The following MGAT4C variants were observed in gnomAD, a reference collection of about 807,000 sequenced individuals.
The protein encoded by MGAT4C is alpha-1,3-mannosyl-glycoprotein 4-beta-N-acetylglucosaminyltransferase C.
Under a neutral mutation model 40.1 loss-of-function variants are expected in MGAT4C, and 19 were observed. That is an observed-to-expected ratio of 0.47 (90% CI 0.33 to 0.70). MGAT4C has a LOEUF of 0.70. Among genes scored for constraint, MGAT4C ranks in the 30% least tolerant of loss-of-function variants. The pLI is 0.02. For missense variants in MGAT4C, 491 were observed against 563.2 expected, an observed-to-expected ratio of 0.87 and a Z score of 1.30; for synonymous variants, 181 against 187.1, an observed-to-expected ratio of 0.97 and a Z score of 0.27.
intron 4 of MGAT4C, among the ~76,000 whole-genome samples, chr12:86,276,874 T>A (rs535635636): frequency 6.6e-6 from 1 of 152,376 alleles, no homozygotes; most frequent in South Asian, 2.1e-4. Context: ...TTGGCTATTA[T>A]AAATAGTGCT....
intron 3 of MGAT4C, among the ~76,000 whole-genome samples, chr12:86,416,376 A>C (rs540768014): frequency 3.3e-5 from 5 of 152,174 alleles, no homozygotes; most frequent in Admixed American, 2.0e-4. Context: ...AAATTGGTAA[A>C]GGACTTTTAG....
At chr12:86,283,193 A>T (rs991061680) in intron 4 of MGAT4C, among the ~76,000 whole-genome samples, 1 of 117,618 alleles carries the variant, frequency 8.5e-6, no homozygotes, top group Non-Finnish European at 2.0e-5. Flanking sequence ...CCACCACAAT[A>T]AAAAAAAAAA....
At chr12:86,369,118 C>A (rs904144834) in intron 3 of MGAT4C, among the ~76,000 whole-genome samples, 3 of 151,840 alleles carry the variant, frequency 2.0e-5, no homozygotes, top group Non-Finnish European at 4.4e-5. Flanking sequence ...TATGTAATAT[C>A]TTTCACCAAC....
chr12:86,097,889 T>A (rs1874237701), intron 1 of MGAT4C, among the ~76,000 whole-genome samples: 1 of 151,654 alleles, frequency 6.6e-6, no homozygotes, highest in Admixed American at 6.6e-5. Context: ...TGAAAAAACC[T>A]TTTAGCTTTT....
intron 4 of MGAT4C, among the ~76,000 whole-genome samples, chr12:86,276,190 T>A (rs1394964817): frequency 2.0e-5 from 3 of 151,962 alleles, no homozygotes; most frequent in Non-Finnish European, 4.4e-5. Context: ...TTTACAAGTA[T>A]AGGAAATTAA....
At chr12:86,278,835 T>C (rs1365402682) in intron 4 of MGAT4C, among the ~76,000 whole-genome samples, 1 of 152,204 alleles carries the variant, frequency 6.6e-6, no homozygotes, top group Admixed American at 6.5e-5. Flanking sequence ...TTTTGTTGTG[T>C]TAAGCTATAT....
At chr12:86,811,521 T>C (rs891237748) in intron 1 of MGAT4C, among the ~76,000 whole-genome samples, 8 of 150,898 alleles carry the variant, frequency 5.3e-5, no homozygotes, top group Admixed American at 1.3e-4. Context: ...TTTGTATTTT[T>C]AGTGGAGACT....
intron 1 of MGAT4C, among the ~76,000 whole-genome samples, chr12:86,753,684 A>C (rs886262722): frequency 2.0e-5 from 3 of 152,138 alleles, no homozygotes; most frequent in African/African-American, 4.8e-5. Flanking sequence ...ATTAAAAAAA[A>C]CCTCAATTTA....
intron 1 of MGAT4C, among the ~76,000 whole-genome samples, chr12:86,747,093 T>C (rs574910952): frequency 6.6e-6 from 1 of 151,728 alleles, no homozygotes; most frequent in East Asian, 1.9e-4. Context: ...TTCAATACTA[T>C]TTGTGTAATC....
intron 2 of MGAT4C, among the ~76,000 whole-genome samples, chr12:86,667,133 T>A (rs1048211310): frequency 6.6e-6 from 1 of 152,128 alleles, no homozygotes. Context: ...AAAATATTCA[T>A]GGAAGAAATT....
At chr12:86,053,311 T>C (rs1489215899) in intron 1 of MGAT4C, among the ~76,000 whole-genome samples, 1 of 151,752 alleles carries the variant, frequency 6.6e-6, no homozygotes, top group African/African-American at 2.4e-5. Flanking sequence ...TGGACACTTC[T>C]AACTTAAAAG....
At chr12:86,632,404 G>T (rs917379441) in intron 2 of MGAT4C, among the ~76,000 whole-genome samples, 2 of 152,096 alleles carry the variant, frequency 1.3e-5, no homozygotes, top group Non-Finnish European at 2.9e-5. Flanking sequence ...TCCCATTACT[G>T]GGTATATACC....
chr12:86,271,942 A>C (rs555723607), intron 4 of MGAT4C, among the ~76,000 whole-genome samples: 1 of 152,342 alleles, frequency 6.6e-6, no homozygotes, highest in South Asian at 2.1e-4. Flanking sequence ...ATGTGAGATT[A>C]AAAATATTTG....
chr12:86,521,698 T>C (rs1958797396), intron 2 of MGAT4C, among the ~76,000 whole-genome samples: 1 of 152,088 alleles, frequency 6.6e-6, no homozygotes, highest in Admixed American at 6.6e-5. Flanking sequence ...TTGGGCAGTA[T>C]GGCCATTTTA....
At chr12:86,441,148 A>G (rs1957219596) in intron 2 of MGAT4C, among the ~76,000 whole-genome samples, 1 of 152,070 alleles carries the variant, frequency 6.6e-6, no homozygotes, top group African/African-American at 2.4e-5. Context: ...GAAAGAGCCT[A>G]AATAGCAAAA....
At chr12:86,324,001 T>C (rs1170462553) in intron 4 of MGAT4C, among the ~76,000 whole-genome samples, 1 of 151,984 alleles carries the variant, frequency 6.6e-6, no homozygotes, top group Non-Finnish European at 1.5e-5. Flanking sequence ...AAAAGAAAAC[T>C]GGAAGTAAAA....
intron 1 of MGAT4C, among the ~76,000 whole-genome samples, chr12:86,781,750 A>G (rs1044470785): frequency 1.3e-5 from 2 of 152,146 alleles, no homozygotes; most frequent in South Asian, 2.1e-4. Flanking sequence ...CTTCCTATAG[A>G]TAACAAATCT....
chr12:86,507,908 A>G (rs1958499374), intron 2 of MGAT4C, among the ~76,000 whole-genome samples: 1 of 152,118 alleles, frequency 6.6e-6, no homozygotes. Context: ...GTGGTTCCAT[A>G]CAAATTTTAG....
rs184554356 is a variant in MGAT4C at position 86,297,775 on chromosome 12, C to T, written c.-57+36290G>A. 2.4e-3 allele frequency among the ~76,000 whole-genome samples: 371 copies of T among 152,166 alleles called. 1 individual carries two copies. The highest frequency in any genetic ancestry group is 7.3e-3 in the African/African-American group (303 of 41,526). The stretch of plus-strand genomic sequence containing the variant: ...TTAACAAAAGAAAAAAAGGGAGGAT[C>T]GTTCATCCTATCTATTCAGACACAC... On this transcript the variant is annotated intron_variant, in intron 4 of 7. Transcript: ENST00000548651.
Sources: gnomAD v4.1 joint callset for allele counts (sites outside exome capture counted in the v4.1 genomes callset) on GRCh38, gnomAD v4.1.1 for gene constraint, MANE v1.5 for transcripts, NCBI Gene and HGNC (gene_info 2026-07-23, HGNC 2026-07-21) for gene names.